Variants in CALN1 observed in about 807,000 individuals in gnomAD.
CALN1 encodes the protein calcium-binding protein 8.
Under a neutral mutation model 30.6 loss-of-function variants are expected in CALN1, and 17 were observed. The observed-to-expected ratio is 0.56, with a 90% confidence interval of 0.38 to 0.83. The LOEUF (loss-of-function observed/expected upper bound fraction) is 0.83, where lower values mean the gene tolerates loss of function less well. CALN1 is among the 40% of genes least tolerant of loss of function. The pLI is 0.00. For missense variants in CALN1, 291 were observed against 354.9 expected (o/e 0.82, Z 1.45); for synonymous variants, 156 against 131.4 (o/e 1.19, Z -1.28).
intron 2 of CALN1, among the ~76,000 whole-genome samples, chr7:72,304,976 G>T (rs564590766): frequency 1.2e-4 from 19 of 152,148 alleles, no homozygotes; most frequent in African/African-American, 3.4e-4. Flanking sequence ...TGGGAGTAAG[G>T]CCCCAGGAAG....
intron 5 of CALN1, among the ~76,000 whole-genome samples, chr7:71,924,420 A>C (rs1302357034): frequency 6.8e-6 from 1 of 147,524 alleles, no homozygotes; most frequent in African/African-American, 2.4e-5. Flanking sequence ...TAATATATAC[A>C]AAAGAATGTT....
chr7:71,912,656 A>G (rs1384016895), intron 5 of CALN1, among the ~76,000 whole-genome samples: 1 of 152,106 alleles, frequency 6.6e-6, no homozygotes, highest in African/African-American at 2.4e-5. Context: ...GGCAGTAGAG[A>G]GCGAACCCAG....
intron 3 of CALN1, among the ~76,000 whole-genome samples, chr7:72,109,079 T>C (rs148052173): frequency 9.4e-4 from 143 of 152,298 alleles, no homozygotes; most frequent in Non-Finnish European, 1.8e-3. Flanking sequence ...TCTTAGTGTG[T>C]TCCCCGCCCA....
At chr7:72,453,435 A>T in the CALN1 span, among the ~76,000 whole-genome samples, 2 of 152,220 alleles carry the variant, frequency 1.3e-5, no homozygotes, top group Admixed American at 1.3e-4. Flanking sequence ...TTGCCCTGGA[A>T]AGGGGTGGTA....
intron 5 of CALN1, among the ~76,000 whole-genome samples, chr7:71,828,946 C>T (rs1789097901): frequency 6.6e-6 from 1 of 151,702 alleles, no homozygotes; most frequent in African/African-American, 2.4e-5. Flanking sequence ...ACGGGGTTTC[C>T]CTGTGTTGGC....
rs1793058297 is a variant in CALN1 at position 71,787,752 on chromosome 7, A to C, written c.*23T>G. ...ATGCACATGCGCGGTGAGCTGCAAC[A>C]CAGTGTGGCTGGCGGGAGGCTGCTA... On this transcript the variant is annotated 3_prime_UTR_variant, in exon 7 of 7. Coordinates refer to ENST00000395275, the MANE Select transcript of CALN1 (RefSeq NM_031468.4). 2.5e-6 allele frequency: 4 copies of C among 1,612,984 alleles called. No homozygotes were observed. The highest frequency in any genetic ancestry group is 3.4e-6 in the Non-Finnish European group (4 of 1,179,744).
chr7:72,166,786 T>C (rs950429750), intron 3 of CALN1, among the ~76,000 whole-genome samples: 2 of 152,180 alleles, frequency 1.3e-5, no homozygotes, highest in Admixed American at 1.3e-4. Context: ...CTCACGCCAG[T>C]AATCCCAGCA....
chr7:71,931,352 G>A (rs1411886884), intron 5 of CALN1, among the ~76,000 whole-genome samples: 4 of 151,842 alleles, frequency 2.6e-5, no homozygotes, highest in Admixed American at 2.6e-4. Flanking sequence ...TGCAACCTCC[G>A]TCTCCTGGCT....
At chr7:71,938,602 C>G (rs1048604710) in intron 5 of CALN1, among the ~76,000 whole-genome samples, 12 of 152,106 alleles carry the variant, frequency 7.9e-5, no homozygotes, top group African/African-American at 2.9e-4. Context: ...CGAGACCAGC[C>G]TGGCCAACAT....
At chr7:71,795,873 C>T (rs1248337637) in intron 6 of CALN1, among the ~76,000 whole-genome samples, 3 of 133,254 alleles carry the variant, frequency 2.3e-5, no homozygotes, top group African/African-American at 6.0e-5. Flanking sequence ...GGCTGGAGTG[C>T]AGCGGCACCA....
At chr7:71,851,523 A>C (rs763877961) in intron 5 of CALN1, among the ~76,000 whole-genome samples, 12 of 151,946 alleles carry the variant, frequency 7.9e-5, no homozygotes, top group Non-Finnish European at 1.0e-4. Flanking sequence ...GTCTCAAAAA[A>C]GAAAAAAACA....
At chr7:72,180,598 C>CTT (rs1302000058) in intron 3 of CALN1, among the ~76,000 whole-genome samples, 11 of 85,716 alleles carry the variant, frequency 1.3e-4, no homozygotes, top group African/African-American at 1.5e-4. Flanking sequence ...ACTGTTTATG[C>CTT]TTTTTTTTCT....
At chr7:72,098,760 GCGCGCACACACACACACACACACACA>G (rs1401362438) in intron 4 of CALN1, among the ~76,000 whole-genome samples, 4 of 101,366 alleles carry the variant, frequency 3.9e-5, no homozygotes, top group East Asian at 4.7e-4. Context: ...AGCCCATTTG[GCGCGCACACACACACACACACACACA>G]CACACACACA....
At chr7:72,086,235 G>A (rs1196650504) in intron 4 of CALN1, among the ~76,000 whole-genome samples, 4 of 152,068 alleles carry the variant, frequency 2.6e-5, no homozygotes, top group Admixed American at 2.6e-4. Context: ...TTAAAGAACT[G>A]TCCTAAACTG....
the CALN1 span, among the ~76,000 whole-genome samples, chr7:72,459,196 G>A: frequency 2.6e-5 from 4 of 152,024 alleles, no homozygotes; most frequent in South Asian, 8.3e-4. Context: ...GAACCACCGC[G>A]CCTGGTCGTA....
chr7:72,249,494 AG>A (rs1795406931), intron 3 of CALN1, among the ~76,000 whole-genome samples: 1 of 145,468 alleles, frequency 6.9e-6, no homozygotes, highest in Non-Finnish European at 1.5e-5. Flanking sequence ...ATCTATCCAC[AG>A]GATCTTCAAC....
intron 2 of CALN1, among the ~76,000 whole-genome samples, chr7:72,382,898 C>T (rs910997656): frequency 6.6e-6 from 1 of 152,180 alleles, no homozygotes; most frequent in African/African-American, 2.4e-5. Flanking sequence ...AAGCAATTCT[C>T]CTGCCTCAGC....
intron 4 of CALN1, among the ~76,000 whole-genome samples, chr7:72,048,571 T>A (rs1372417445): frequency 6.6e-6 from 1 of 152,176 alleles, no homozygotes; most frequent in Non-Finnish European, 1.5e-5. Flanking sequence ...ACTCCTCTGT[T>A]ATGTTACTTA....
intron 5 of CALN1, among the ~76,000 whole-genome samples, chr7:71,938,092 G>T: frequency 6.6e-6 from 1 of 152,310 alleles, no homozygotes; most frequent in East Asian, 1.9e-4. Flanking sequence ...AAGTTCCCAA[G>T]AGTATCAGAG....
Sources: allele counts gnomAD v4.1 joint callset (sites outside exome capture counted in the v4.1 genomes callset), GRCh38; gene constraint gnomAD v4.1.1; transcripts MANE v1.5; gene names NCBI Gene and HGNC (gene_info 2026-07-23, HGNC 2026-07-21).